The following IRAG2 variants were observed in gnomAD, a reference collection of about 807,000 sequenced individuals.
IRAG2 encodes the protein inositol 1,4,5-triphosphate receptor associated 2.
A neutral mutation model predicts 69.9 loss-of-function variants in IRAG2; 45 were observed. The observed-to-expected ratio is 0.64, with a 90% CI of 0.51 to 0.83. The LOEUF (loss-of-function observed/expected upper bound fraction) is 0.83, where lower values mean the gene tolerates loss of function less well. IRAG2 is among the 40% of genes least tolerant of loss of function. The pLI, the probability that IRAG2 is intolerant of heterozygous loss-of-function variation, is 0.00. For synonymous variants in IRAG2, 193 were observed against 202.4 expected, an observed-to-expected ratio of 0.95 and a Z score of 0.40; for missense variants, 520 against 587.0, an observed-to-expected ratio of 0.89 and a Z score of 1.18.
At chr12:25,018,193 C>CTTTTTTT (rs56659655) in intron 6 of IRAG2, among the ~76,000 whole-genome samples, 9 of 105,544 alleles carry the variant, frequency 8.5e-5, no homozygotes, top group African/African-American at 1.4e-4. Context: ...TTTCTTTCTT[C>CTTTTTTT]TTTTTTTTTT....
At chr12:25,057,781 C>A (rs567392051) in intron 1 of IRAG2, among the ~76,000 whole-genome samples, 1 of 152,052 alleles carries the variant, frequency 6.6e-6, no homozygotes, top group Non-Finnish European at 1.5e-5. Context: ...GTCAATGCCC[C>A]GCCTCCACCT....
chr12:25,096,917 C>T lies in IRAG2; in HGVS notation c.614C>T (p.Thr205Ile). The T allele has an allele frequency of 6.2e-7, 1 of 1,611,858 alleles. No individual in the cohort carries two copies. Among genetic ancestry groups the T allele is most frequent in the Non-Finnish European group, 8.5e-7 (1 of 1,179,166 alleles). ...ATGCTGTTTTCTATACAGTCTTTAACACCTCTGTGTGAAGATGACAACCAG... is the reference window on the plus strand; with the variant it reads ...ATGCTGTTTTCTATACAGTCTTTAATACCTCTGTGTGAAGATGACAACCAG... ...TNCLKLLESLTPLCEDDNQAQ... is the reference protein window; with the variant it reads ...TNCLKLLESLIPLCEDDNQAQ... The change falls in exon 15 of 22, where the codon ACA becomes ATA. Residue 205 changes from threonine (T) to isoleucine (I), a missense_variant. Thr to Ile is a moderately conservative substitution (Grantham distance 89). Transcript: ENST00000556887.
Position 25,043,308 on chromosome 12 carries a change from T to A in IRAG2, c.2144+5171T>A, listed in dbSNP as rs569435939. On this transcript the variant is annotated intron_variant, in intron 16 of 38. Coordinates refer to the IRAG2 transcript ENST00000636465. Reference sequence around the variant, plus strand: ...TAGCATGGTGGGGTGGGGAGGAGAATCAAACCACATGTCCAACATTTCAGC... The same window carrying A: ...TAGCATGGTGGGGTGGGGAGGAGAAACAAACCACATGTCCAACATTTCAGC... Among the ~76,000 whole-genome samples, 12 of 152,182 alleles carry A rather than the reference T, an allele frequency of 7.9e-5. No individual in the cohort carries two copies. In the South Asian group the frequency reaches 1.5e-3, roughly 18 times the overall value.
intron 1 of IRAG2, chr12:25,004,947 C>A: frequency 1.7e-6 from 2 of 1,172,342 alleles, no homozygotes; most frequent in African/African-American, 1.6e-5. Flanking sequence ...TTTGTCCTTC[C>A]AATAGAGCAA....
intron 6 of IRAG2, among the ~76,000 whole-genome samples, chr12:25,018,318 A>AC (rs975947497): frequency 6.8e-6 from 1 of 146,236 alleles, no homozygotes; most frequent in East Asian, 2.0e-4. Context: ...TTCTGGCCTC[A>AC]CCCCCCACCC....
intron 1 of IRAG2, among the ~76,000 whole-genome samples, chr12:25,053,177 A>G (rs1303571581): frequency 3.3e-5 from 5 of 151,926 alleles, no homozygotes; most frequent in East Asian, 1.9e-4. Context: ...CCTTTTTATT[A>G]TAAGCTGGTT....
intron 9 of IRAG2, among the ~76,000 whole-genome samples, chr12:25,030,091 T>G (rs572795842): frequency 2.2e-4 from 33 of 152,214 alleles, no homozygotes; most frequent in Non-Finnish European, 3.7e-4. Context: ...TGGAGTTTGG[T>G]TTCCTCACTG....
In IRAG2 at chr12:25,103,619, A is replaced by AT. The variant is rs1411341033; in HGVS notation, c.934-217dup. 1.2e-5 allele frequency: 6 copies of AT among 511,514 alleles called. No homozygotes were observed. The East Asian group carries it at 1.9e-4, about 16-fold the overall frequency. The allele number at this position is 511,514 out of a possible 1,614,324, so 31.7% of individuals were successfully genotyped here. A position where few individuals can be genotyped will look rare whatever the true frequency, so the allele number is the denominator to read the frequency against. ...CAAATTGTATATTTGTTAGATTGGC[A>AT]TAAATTATAATAATCCAACATTGAG... On this transcript the variant is annotated intron_variant, in intron 17 of 21. Transcript: ENST00000556887.
chr12:25,090,250 G>T (rs1025921538), intron 14 of IRAG2, 53 bp downstream of exon 14: 23 of 1,549,626 alleles, frequency 1.5e-5, no homozygotes, highest in Non-Finnish European at 2.0e-5. Flanking sequence ...AGGCACAGTG[G>T]CTCACACCTA....
chr12:25,042,497 C>T (rs367948548), intron 16 of IRAG2, among the ~76,000 whole-genome samples: 2 of 152,092 alleles, frequency 1.3e-5, no homozygotes, highest in Admixed American at 6.5e-5. Context: ...GACAGAGTCT[C>T]GCTCTGTCGC....
At chr12:25,104,879 ATC>A (rs774786293) in intron 20 of IRAG2, among the ~76,000 whole-genome samples, 4 of 102,072 alleles carry the variant, frequency 3.9e-5, no homozygotes, top group Non-Finnish European at 7.3e-5. Context: ...ATGTACATCT[ATC>A]TATCTTCCAT....
intron 14 of IRAG2, among the ~76,000 whole-genome samples, chr12:25,094,132 C>T (rs146428481): frequency 3.5e-3 from 527 of 151,984 alleles, no homozygotes; most frequent in Non-Finnish European, 4.5e-3. Flanking sequence ...TCTGTGCTCT[C>T]GGTGTTATAT....
intron 6 of IRAG2, among the ~76,000 whole-genome samples, chr12:25,078,926 A>C (rs959153325): frequency 6.6e-6 from 1 of 152,260 alleles, no homozygotes; most frequent in African/African-American, 2.4e-5. Flanking sequence ...TTCTGTTTAA[A>C]GAAAACTTGA....
chr12:25,073,612 G>A (rs553717646), intron 6 of IRAG2, among the ~76,000 whole-genome samples: 75 of 152,264 alleles, frequency 4.9e-4, no homozygotes, highest in Non-Finnish European at 1.5e-4. Flanking sequence ...AGCAAAGAAC[G>A]CTAACAAGGT....
Position 25,108,290 on chromosome 12 carries a change from ATTGT to A in IRAG2, c.*236_*239del, listed in dbSNP as rs900190588. On this transcript the variant is annotated 3_prime_UTR_variant, in exon 22 of 22. Coordinates refer to ENST00000556887, the MANE Select transcript of IRAG2 (RefSeq NM_001366544.2). ...GCTTTTTAAGGAAGAAATATTATAT[ATTGT>A]TTGTTAAAGTTTATTGAAATAAAGA... is the stretch of plus-strand genomic sequence containing the variant. The A allele has an allele frequency of 3.6e-6, 2 of 556,980 alleles. No individual in the cohort carries two copies. Among genetic ancestry groups the A allele is most frequent in the South Asian group, 6.3e-5 (2 of 31,940 alleles). 34.5% of individuals were successfully genotyped at this position (556,980 alleles called of 1,614,324 possible). A position where few individuals can be genotyped will look rare whatever the true frequency, so the allele number is the denominator to read the frequency against.
intron 1 of IRAG2, among the ~76,000 whole-genome samples, chr12:25,060,256 A>G (rs1945531930): frequency 6.6e-6 from 1 of 152,114 alleles, no homozygotes; most frequent in African/African-American, 2.4e-5. Flanking sequence ...TGTTCAAAAG[A>G]TTTGGGTTTA....
chr12:25,034,699 C>T (rs1052712128), intron 13 of IRAG2, among the ~76,000 whole-genome samples: 3 of 152,124 alleles, frequency 2.0e-5, no homozygotes, highest in East Asian at 1.9e-4. Flanking sequence ...TATCTGTGGA[C>T]GATAGATATG....
rs116675077 is a variant in IRAG2 at position 25,107,898 on chromosome 12, A to G, written c.1338A>G (p.Ala446=). ...ATAAGGCCCTCTGGCTCTCTATTGCATTCATTGTACTGTTTGCAGCTTTGA... is the reference window on the plus strand; with the variant it reads ...ATAAGGCCCTCTGGCTCTCTATTGCGTTCATTGTACTGTTTGCAGCTTTGA... The part of the protein sequence containing the change: ...KANKALWLSI[A]FIVLFAALMS... Residue 446 remains alanine (A), a synonymous_variant, in exon 22 of 22, where the codon GCA becomes GCG. Transcript: ENST00000556887. 2 of 1,614,214 alleles carry G rather than the reference A, an allele frequency of 1.2e-6. No individual in the cohort carries two copies. Among genetic ancestry groups the G allele is most frequent in the East Asian group, 2.2e-5 (1 of 44,884 alleles).
At chr12:25,017,607 A>C (rs943217822) in intron 6 of IRAG2, among the ~76,000 whole-genome samples, 3 of 152,060 alleles carry the variant, frequency 2.0e-5, no homozygotes, top group African/African-American at 7.2e-5. Flanking sequence ...AATTCCAGCT[A>C]TTCTGCAGGC....
Sources: gnomAD v4.1 joint callset for allele counts (sites outside exome capture counted in the v4.1 genomes callset) on GRCh38, gnomAD v4.1.1 for gene constraint, MANE v1.5 for transcripts, NCBI Gene and HGNC (gene_info 2026-07-23, HGNC 2026-07-21) for gene names.